The following MTRR variants were observed in gnomAD, a reference collection of about 807,000 sequenced individuals.
The protein encoded by MTRR is 5-methyltetrahydrofolate-homocysteine methyltransferase reductase, also known as methionine synthase reductase.
MTRR carries 63 observed loss-of-function variants against 79.2 expected under a neutral mutation model. The observed-to-expected ratio is 0.80, with a 90% confidence interval of 0.65 to 0.98. The LOEUF is 0.98. MTRR is among the 50% of genes least tolerant of loss of function. The pLI, the probability that MTRR is intolerant of heterozygous loss-of-function variation, is 0.00. For synonymous variants in MTRR, 355 were observed against 313.3 expected (o/e 1.13, Z -1.41); for missense variants, 895 against 839.6 (o/e 1.07, Z -0.82).
chr5:7,883,444 TGC>T (rs1735903087), intron 6 of MTRR, among the ~76,000 whole-genome samples, 167 bp downstream of exon 6: 1 of 141,012 alleles, frequency 7.1e-6, no homozygotes, highest in Non-Finnish European at 1.6e-5. Context: ...TGGTTACATA[TGC>T]TGAGTTGTGT....
At chr5:7,870,700 A>C (rs2126642589) in intron 1 of MTRR, 70 bp from the exon 2 acceptor site, 4 of 1,505,830 alleles carry the variant, frequency 2.7e-6, no homozygotes, top group Non-Finnish European at 3.7e-6. Context: ...TTAAAGATTG[A>C]GGGAGAATTA....
At chr5:7,879,112 T>G (rs1046777838) in intron 5 of MTRR, among the ~76,000 whole-genome samples, 1 of 152,250 alleles carries the variant, frequency 6.6e-6, no homozygotes, top group African/African-American at 2.4e-5. Context: ...AAAGCTTTCA[T>G]GTAAGTATGA....
intron 1 of MTRR, among the ~76,000 whole-genome samples, chr5:7,854,513 G>A (rs1308715559): frequency 6.6e-6 from 1 of 152,120 alleles, no homozygotes; most frequent in Admixed American, 6.5e-5. Flanking sequence ...ACATGGCTAG[G>A]GAGGCCTCAG....
chr5:7,851,499 A>T (rs1746078345), exon 1 of MTRR: 1 of 154,550 alleles, frequency 6.5e-6, no homozygotes, highest in African/African-American at 2.4e-5. Context: ...AGACGCGAAG[A>T]AGCCAAATGA....
In MTRR at chr5:7,889,186, A is replaced by G. The variant is rs1166012101; in HGVS notation, c.1238A>G (p.Tyr413Cys). 4 of 1,613,926 alleles carry G rather than the reference A, an allele frequency of 2.5e-6. No individual in the cohort carries two copies. Among genetic ancestry groups the G allele is most frequent in the Non-Finnish European group, 3.4e-6 (4 of 1,180,044 alleles). The change falls in exon 9 of 15, where the codon TAT becomes TGT. Residue 413 changes from tyrosine to cysteine, a missense_variant. Transcript: ENST00000440940. ...ELCSKQGAAD[Y>C]SRFVRDACAC... ...TGCAGTAAACAAGGGGCAGCCGATTATAGCCGCTTTGTACGAGATGCCTGT... is the reference window on the plus strand; with the variant it reads ...TGCAGTAAACAAGGGGCAGCCGATTGTAGCCGCTTTGTACGAGATGCCTGT...
In MTRR at chr5:7,887,734, GTA is replaced by G. The variant is rs72162827; in HGVS notation, c.1146+1039_1146+1040del. Among the ~76,000 whole-genome samples, 15 of 141,790 alleles carry G rather than the reference GTA, an allele frequency of 1.1e-4. 1 individual carries two copies. The East Asian group carries it at 3.0e-3, about 29-fold the overall frequency. The allele number at this position is 141,790 out of a possible 152,430, so 93.0% of individuals were successfully genotyped here. The stretch of plus-strand genomic sequence containing the variant: ...AGTGTGTGTGTATGTCTGTATATGT[GTA>G]TATATATGTGTGTGTATATATGTGT... On this transcript the variant is annotated intron_variant, in intron 8 of 14. Transcript: ENST00000440940.
chr5:7,862,423 G>A (rs995115097), intron 2 of MTRR, among the ~76,000 whole-genome samples: 2 of 152,104 alleles, frequency 1.3e-5, no homozygotes, highest in African/African-American at 4.8e-5. Context: ...AATTTAAATA[G>A]CCACATGGTC....
chr5:7,867,251 T>C, upstream of MTRR: 1 of 1,613,998 alleles, frequency 6.2e-7, no homozygotes, highest in South Asian at 1.1e-5. Flanking sequence ...GTTTATCTTA[T>C]TTAAAAATGT....
chr5:7,876,865 C>T (rs958900877), intron 4 of MTRR, among the ~76,000 whole-genome samples: 4 of 152,216 alleles, frequency 2.6e-5, no homozygotes, highest in East Asian at 1.9e-4. Context: ...ACTCAGTGAA[C>T]GTTAGTTCTC....
At chr5:7,893,663 C>T (rs1425098155) in intron 11 of MTRR, 1 of 152,138 alleles carries the variant, frequency 6.6e-6, no homozygotes, top group African/African-American at 2.4e-5. Context: ...ATGAAGTCCT[C>T]TTTCTTCATA....
chr5:7,894,769 A>G (rs1000808407), intron 11 of MTRR, among the ~76,000 whole-genome samples: 2 of 152,190 alleles, frequency 1.3e-5, no homozygotes, highest in South Asian at 2.1e-4. Context: ...GATAATGTGT[A>G]TGTTTATTTT....
rs750264866 is a variant in MTRR at position 7,886,706 on chromosome 5, A to AT, written c.1146+10dup. The AT allele has an allele frequency of 1.5e-5, 24 of 1,603,436 alleles. No individual in the cohort carries two copies. In the South Asian group the frequency reaches 2.5e-4, roughly 17 times the overall value. On this transcript the variant is annotated splice_donor_region_variant and intron_variant, in intron 8 of 14. Coordinates refer to ENST00000440940, the MANE Select transcript of MTRR (RefSeq NM_002454.3). ...AAATCCGAGCAATTCCTAAAAAGGTATTTTTTTCTGTCTTCTTCAGGTAAC... is the reference window on the plus strand; with the variant it reads ...AAATCCGAGCAATTCCTAAAAAGGTATTTTTTTTCTGTCTTCTTCAGGTAAC...
chr5:7,895,941 A>G, intron 12 of MTRR, 89 bp downstream of exon 12: 1 of 1,509,070 alleles, frequency 6.6e-7, no homozygotes, highest in Non-Finnish European at 9.0e-7. Flanking sequence ...TGGACTTTGT[A>G]AAATTTTTAT....
intron 2 of MTRR, among the ~76,000 whole-genome samples, chr5:7,862,401 T>C (rs73737645): frequency 0.023 from 3,511 of 152,240 alleles, 146 homozygotes; most frequent in African/African-American, 0.08. Flanking sequence ...TTCTTAAACT[T>C]TTAATAATTT....
At chr5:7,866,124 G>C (rs1040878162), upstream of MTRR, 2 of 629,904 alleles carry the variant, frequency 3.2e-6, no homozygotes, top group African/African-American at 3.6e-5. Context: ...GAACTTGTTA[G>C]AATTAATTAT....
At chr5:7,890,348 CCCT>C in intron 9 of MTRR, 2 of 985,316 alleles carry the variant, frequency 2.0e-6, no homozygotes, top group Non-Finnish European at 2.4e-6. Context: ...CTCAGGCTGG[CCCT>C]CTCACCCTCT....
chr5:7,864,763 G>A (rs904924653), upstream of MTRR, among the ~76,000 whole-genome samples: 8 of 151,170 alleles, frequency 5.3e-5, no homozygotes, highest in African/African-American at 9.9e-5. Context: ...GAGGAGACAT[G>A]GCCACCTTCA....
At chr5:7,860,646 C>G (rs1383945538) in intron 1 of MTRR, among the ~76,000 whole-genome samples, 5 of 152,120 alleles carry the variant, frequency 3.3e-5, no homozygotes, top group Admixed American at 3.3e-4. Context: ...ACTGGGCTGG[C>G]AAACCAGTTA....
chr5:7,870,041 G>GT (rs1171034301), intron 1 of MTRR: 23 of 985,252 alleles, frequency 2.3e-5, no homozygotes, highest in Non-Finnish European at 2.8e-5. Context: ...CGTTAGATGA[G>GT]TATGGAAAAA....
Sources: allele counts gnomAD v4.1 joint callset (sites outside exome capture counted in the v4.1 genomes callset), GRCh38; gene constraint gnomAD v4.1.1; transcripts MANE v1.5; gene names NCBI Gene and HGNC (gene_info 2026-07-23, HGNC 2026-07-21).